INSYN2B: variants seen among roughly 807,000 people sequenced by gnomAD.
INSYN2B encodes inhibitory synaptic factor family member 2B, also known as protein INSYN2B.
In INSYN2B, 16 loss-of-function variants were observed where a neutral mutation model predicts 41.2. The observed-to-expected ratio is 0.39, with a 90% CI of 0.26 to 0.59. The LOEUF is 0.59. Ranked by LOEUF, INSYN2B falls within the 20% of genes least tolerant of loss-of-function variation. The pLI is 0.57. For synonymous variants in INSYN2B, 245 were observed against 244.4 expected (o/e 1.00, Z -0.02); for missense variants, 608 against 646.4 (o/e 0.94, Z 0.64).
chr5:169,910,281 C>T (rs536814977), intron 1 of INSYN2B, among the ~76,000 whole-genome samples: 19 of 152,250 alleles, frequency 1.2e-4, no homozygotes, highest in African/African-American at 3.9e-4. Context: ...TGTTCCAAGC[C>T]GGTTACCACC....
rs1457918112 is a variant in INSYN2B at position 169,883,906 on chromosome 5, C to T, written c.-8G>A. ...CATATTTTGCTGGGCCATTGAGCCT[C>T]AGTGGGAAGGATCAGGACCATACAC... On this transcript the variant is annotated 5_prime_UTR_variant, in exon 2 of 4. The change abolishes the stop of an existing upstream ORF in the 5' untranslated region. Transcript: ENST00000377365. 4.0e-6 allele frequency: 6 copies of T among 1,494,548 alleles called. No homozygotes were observed. The South Asian group carries it at 8.1e-5, about 20-fold the overall frequency. The allele number at this position is 1,494,548 out of a possible 1,614,324, so 92.6% of individuals were successfully genotyped here. A position where few individuals can be genotyped will look rare whatever the true frequency, so the allele number is the denominator to read the frequency against.
rs575345481 is a variant in INSYN2B at position 169,861,842 on chromosome 5, C to T, written c.*2431G>A. Among the ~76,000 whole-genome samples the T allele has an allele frequency of 1.4e-4, 21 of 152,242 alleles. No homozygotes were observed. The highest frequency in any genetic ancestry group is 3.9e-4 in the East Asian group (2 of 5,186). On this transcript the variant is annotated 3_prime_UTR_variant, in exon 4 of 4. Coordinates refer to ENST00000377365, the MANE Select transcript of INSYN2B (RefSeq NM_001129891.3). ...TTTCAGGTCAGTGGCCCAAGCAATG[C>T]GGTGTTGTGCTTTGGTGTAGAATCA... is the stretch of plus-strand genomic sequence containing the variant.
chr5:169,923,701 G>A (rs1775296440), intron 1 of INSYN2B, among the ~76,000 whole-genome samples: 5 of 152,224 alleles, frequency 3.3e-5, no homozygotes, highest in Non-Finnish European at 7.3e-5. Flanking sequence ...GAATATGCAT[G>A]TATTTTATAA....
intron 1 of INSYN2B, among the ~76,000 whole-genome samples, chr5:169,942,303 T>C (rs1399803069): frequency 2.6e-5 from 4 of 152,182 alleles, no homozygotes; most frequent in African/African-American, 9.7e-5. Flanking sequence ...CTCTGAATCA[T>C]GAAGTGGATC....
intron 1 of INSYN2B, among the ~76,000 whole-genome samples, chr5:169,896,403 G>T (rs1050134295): frequency 1.3e-5 from 2 of 152,090 alleles, no homozygotes; most frequent in Non-Finnish European, 2.9e-5. Context: ...TTCAATGCTG[G>T]CTCTGCCATT....
chr5:169,915,330 A>C (rs1448417063), intron 1 of INSYN2B, among the ~76,000 whole-genome samples: 2 of 152,184 alleles, frequency 1.3e-5, no homozygotes, highest in Non-Finnish European at 2.9e-5. Context: ...CAAAATCATC[A>C]GCAAAAGCAC....
chr5:169,901,042 C>T (rs1039697529), intron 1 of INSYN2B, among the ~76,000 whole-genome samples: 3 of 152,096 alleles, frequency 2.0e-5, no homozygotes, highest in Non-Finnish European at 4.4e-5. Flanking sequence ...ATTTATAAAA[C>T]GTGCTAGATG....
intron 1 of INSYN2B, among the ~76,000 whole-genome samples, chr5:169,961,858 A>G (rs1258542781): frequency 1.3e-5 from 2 of 151,728 alleles, no homozygotes; most frequent in African/African-American, 4.9e-5. Flanking sequence ...AGGCACCTGT[A>G]ATCCCAGCTA....
chr5:169,915,596 A>G (rs1007205973), intron 1 of INSYN2B, among the ~76,000 whole-genome samples: 33 of 151,274 alleles, frequency 2.2e-4, no homozygotes, highest in African/African-American at 8.0e-4. Flanking sequence ...ACACACACAC[A>G]CACACAGAGG....
In INSYN2B at chr5:169,889,914, T is replaced by C. The variant is rs137972518; in HGVS notation, c.-918-5098A>G. 8.7e-4 allele frequency among the ~76,000 whole-genome samples: 133 copies of C among 152,366 alleles called. 1 individual carries two copies. In the East Asian group the frequency reaches 0.016, roughly 19 times the overall value. ...TTAGGTTGTTTTTCAGAGGAGGCTT[T>C]GTTTGCTGACACATTGCCGTGTCCC... On this transcript the variant is annotated intron_variant, in intron 1 of 3. Transcript: ENST00000377365.
intron 1 of INSYN2B, among the ~76,000 whole-genome samples, chr5:169,919,802 C>T (rs1775073500): frequency 6.6e-6 from 1 of 152,160 alleles, no homozygotes; most frequent in African/African-American, 2.4e-5. Context: ...GGAGTATTTG[C>T]ATATTAATAG....
chr5:169,875,101 G>A (rs1772237505), intron 3 of INSYN2B: 1 of 422,560 alleles, frequency 2.4e-6, no homozygotes, highest in Admixed American at 2.6e-5. Context: ...TATTTTACAA[G>A]CAAGTATTTT....
At chr5:169,865,486 C>T (rs542579754) in intron 3 of INSYN2B, among the ~76,000 whole-genome samples, 2 of 152,178 alleles carry the variant, frequency 1.3e-5, no homozygotes, top group Admixed American at 6.5e-5. Context: ...GCAGAAAAAA[C>T]GAATCCTCTT....
intron 1 of INSYN2B, among the ~76,000 whole-genome samples, chr5:169,950,108 G>T (rs1776599208): frequency 6.6e-6 from 1 of 152,180 alleles, no homozygotes; most frequent in Admixed American, 6.6e-5. Context: ...TCAGTAGATG[G>T]TGGTGGCCTT....
rs150316982 is a variant in INSYN2B, at chr5:169,977,141, C to T, written c.-919+3136G>A. ...CAATTTGGACACTGTTGTCACTTTT[C>T]CTACCTGCCAGCAACTGTTCCTGAA... On this transcript the variant is annotated intron_variant, in intron 1 of 3. Coordinates refer to ENST00000377365, the MANE Select transcript of INSYN2B (RefSeq NM_001129891.3). 5.1e-4 allele frequency among the ~76,000 whole-genome samples: 78 copies of T among 152,332 alleles called. 2 individuals carry two copies. The East Asian group carries it at 0.014, about 28-fold the overall frequency.
intron 1 of INSYN2B, among the ~76,000 whole-genome samples, chr5:169,978,475 T>C (rs1777814706): frequency 6.6e-6 from 1 of 151,398 alleles, no homozygotes; most frequent in Non-Finnish European, 1.5e-5. Context: ...CTAAAATTAT[T>C]GGCATTGTCA....
intron 2 of INSYN2B, among the ~76,000 whole-genome samples, chr5:169,882,239 C>G (rs979709956): frequency 3.1e-4 from 47 of 152,166 alleles, no homozygotes; most frequent in African/African-American, 9.7e-4. Context: ...TTTCCCCCAT[C>G]ATGTATCAAT....
intron 1 of INSYN2B, among the ~76,000 whole-genome samples, chr5:169,898,880 G>C (rs532597004): frequency 2.0e-5 from 3 of 152,186 alleles, no homozygotes; most frequent in Admixed American, 1.3e-4. Flanking sequence ...CAGCAAGTCA[G>C]AGAACCAGAT....
chr5:169,943,438 C>G (rs752544790), intron 1 of INSYN2B, among the ~76,000 whole-genome samples: 34 of 152,142 alleles, frequency 2.2e-4, no homozygotes, highest in Non-Finnish European at 4.7e-4. Context: ...AATGTGAATC[C>G]TTTCTAACAT....
Sources: gnomAD v4.1 joint callset for allele counts (sites outside exome capture counted in the v4.1 genomes callset) on GRCh38, gnomAD v4.1.1 for gene constraint, MANE v1.5 for transcripts, NCBI Gene and HGNC (gene_info 2026-07-23, HGNC 2026-07-21) for gene names.